The following ROBO1 variants were observed in gnomAD, a reference collection of about 807,000 sequenced individuals.
ROBO1 encodes the protein roundabout homolog 1.
A neutral mutation model predicts 195.9 loss-of-function variants in ROBO1; 149 were observed. The observed-to-expected ratio is 0.76, with a 90% CI of 0.67 to 0.87. The LOEUF (loss-of-function observed/expected upper bound fraction) is 0.87. Among genes scored for constraint, ROBO1 ranks in the 40% least tolerant of loss-of-function variants. The pLI is 0.00. For missense variants in ROBO1, 1,933 were observed against 2,068.3 expected (o/e 0.93, Z 1.27); for synonymous variants, 816 against 733.2 (o/e 1.11, Z -1.82).
chr3:79,544,466 AAACT>A (rs1942188862), intron 2 of ROBO1, among the ~76,000 whole-genome samples: 1 of 152,014 alleles, frequency 6.6e-6, no homozygotes, highest in Non-Finnish European at 1.5e-5. Flanking sequence ...AACTGATTTG[AAACT>A]AACTAGATAA....
At chr3:78,893,326 C>T (rs573723586) in intron 4 of ROBO1, among the ~76,000 whole-genome samples, 1 of 152,228 alleles carries the variant, frequency 6.6e-6, no homozygotes, top group African/African-American at 2.4e-5. Flanking sequence ...ATTGGCTCGC[C>T]CTTCTGCCTT....
intron 10 of ROBO1, among the ~76,000 whole-genome samples, chr3:78,677,842 A>G (rs1708533405): frequency 6.6e-6 from 1 of 151,856 alleles, no homozygotes; most frequent in African/African-American, 2.4e-5. Context: ...CATCTACAGA[A>G]CTCTCCACCC....
chr3:79,262,620 G>A (rs942918948), intron 2 of ROBO1, among the ~76,000 whole-genome samples: 16 of 151,806 alleles, frequency 1.1e-4, no homozygotes, highest in Admixed American at 7.9e-4. Context: ...GTAAAAAAAC[G>A]TTTTAAATGG....
rs183203771 is a variant in ROBO1, at chr3:79,395,508, T to A, written c.88+194316A>T. Among the ~76,000 whole-genome samples, 1,122 of 152,048 alleles carry A rather than the reference T, an allele frequency of 7.4e-3. 17 individuals are homozygous for A. Among genetic ancestry groups the A allele is most frequent in the African/African-American group, 0.026 (1,066 of 41,502 alleles). The stretch of plus-strand genomic sequence containing the variant: ...TTTATATGTAGAAATTTCTGAAAAA[T>A]ATTTACATGTTTTTGAAGTATAACA... On this transcript the variant is annotated intron_variant, in intron 2 of 30. Coordinates refer to ENST00000464233, the MANE Select transcript of ROBO1 (RefSeq NM_002941.4).
intron 1 of ROBO1, among the ~76,000 whole-genome samples, chr3:79,660,039 G>A (rs1309878957): frequency 6.6e-6 from 1 of 152,024 alleles, no homozygotes; most frequent in Non-Finnish European, 1.5e-5. Flanking sequence ...TCTGGCAGGA[G>A]AATTAATCTG....
At chr3:79,163,016 A>AAC (rs1437619845) in intron 2 of ROBO1, among the ~76,000 whole-genome samples, 3 of 152,036 alleles carry the variant, frequency 2.0e-5, no homozygotes, top group Non-Finnish European at 4.4e-5. Context: ...TACTATGGTA[A>AAC]ACACACATAA....
At chr3:79,377,481 C>T (rs750431357) in intron 2 of ROBO1, among the ~76,000 whole-genome samples, 14 of 152,114 alleles carry the variant, frequency 9.2e-5, no homozygotes, top group Non-Finnish European at 1.6e-4. Flanking sequence ...TCTAATTGAG[C>T]GATGAACAGA....
chr3:78,892,951 C>A (rs919638272), intron 4 of ROBO1, among the ~76,000 whole-genome samples: 5 of 152,114 alleles, frequency 3.3e-5, no homozygotes, highest in African/African-American at 1.2e-4. Context: ...CCACTGCTGA[C>A]CTTTGTTCTT....
intron 2 of ROBO1, among the ~76,000 whole-genome samples, chr3:79,401,434 G>C (rs2037362028): frequency 6.6e-6 from 1 of 151,584 alleles, no homozygotes; most frequent in Admixed American, 6.6e-5. Flanking sequence ...AAGTGAATTG[G>C]GTCTGCTTTT....
chr3:79,241,968 GAC>G (rs1456115329), intron 2 of ROBO1, among the ~76,000 whole-genome samples: 2 of 144,156 alleles, frequency 1.4e-5, no homozygotes, highest in Non-Finnish European at 3.0e-5. Context: ...TTTCATGAAA[GAC>G]ACATTTTCTA....
chr3:78,729,813 A>G (rs1391831032), intron 5 of ROBO1, among the ~76,000 whole-genome samples: 2 of 152,246 alleles, frequency 1.3e-5, no homozygotes, highest in African/African-American at 4.8e-5. Flanking sequence ...TAGGTAGATT[A>G]CATGGTAGCA....
At chr3:79,021,206 C>T (rs1206348088) in intron 3 of ROBO1, among the ~76,000 whole-genome samples, 1 of 152,128 alleles carries the variant, frequency 6.6e-6, no homozygotes, top group African/African-American at 2.4e-5. Flanking sequence ...GCAGTCAAAG[C>T]TGAAAAGCAT....
At chr3:78,916,436 C>A (rs1424468118) in intron 4 of ROBO1, among the ~76,000 whole-genome samples, 3 of 150,176 alleles carry the variant, frequency 2.0e-5, no homozygotes, top group African/African-American at 7.4e-5. Flanking sequence ...CCTGTACTCC[C>A]AGCTATTCAG....
intron 1 of ROBO1, among the ~76,000 whole-genome samples, chr3:79,612,465 T>C (rs1226254940): frequency 1.3e-5 from 2 of 151,996 alleles, no homozygotes; most frequent in East Asian, 3.9e-4. Context: ...GTCTTTGCTA[T>C]TGTGACTAAT....
chr3:79,666,287 A>G (rs1253959979), intron 1 of ROBO1, among the ~76,000 whole-genome samples: 1 of 151,994 alleles, frequency 6.6e-6, no homozygotes, highest in East Asian at 1.9e-4. Context: ...GAGCAATGAC[A>G]GCTAAACATT....
chr3:79,654,176 G>GTACC, intron 1 of ROBO1, among the ~76,000 whole-genome samples: 1 of 152,128 alleles, frequency 6.6e-6, no homozygotes, highest in Admixed American at 6.6e-5. Context: ...GTTTATGGAT[G>GTACC]TAACATGAGA....
chr3:79,660,153 C>A (rs1012646743), intron 1 of ROBO1, among the ~76,000 whole-genome samples: 4 of 151,684 alleles, frequency 2.6e-5, no homozygotes, highest in African/African-American at 4.8e-5. Context: ...GATATTGCAT[C>A]CGACTAGGGA....
At chr3:79,013,702 T>C (rs1347870747) in intron 3 of ROBO1, among the ~76,000 whole-genome samples, 2 of 152,228 alleles carry the variant, frequency 1.3e-5, no homozygotes, top group Non-Finnish European at 2.9e-5. Context: ...TTCTCTATGA[T>C]ATAGTTTCTA....
chr3:79,233,047 G>A (rs1396459654), intron 2 of ROBO1, among the ~76,000 whole-genome samples: 3 of 151,918 alleles, frequency 2.0e-5, no homozygotes, highest in African/African-American at 2.4e-5. Flanking sequence ...TAATAAAATA[G>A]CCCCTAAAAG....
Sources: allele counts gnomAD v4.1 joint callset (sites outside exome capture counted in the v4.1 genomes callset), GRCh38; gene constraint gnomAD v4.1.1; transcripts MANE v1.5; gene names NCBI Gene and HGNC (gene_info 2026-07-23, HGNC 2026-07-21).